The following CADPS2 variants were observed in gnomAD, a reference collection of about 807,000 sequenced individuals.
The protein encoded by CADPS2 is calcium dependent secretion activator 2, also known as calcium-dependent secretion activator 2.
In CADPS2, 93 loss-of-function variants were observed where a neutral mutation model predicts 172.5. That is an observed-to-expected ratio of 0.54 (90% CI 0.46 to 0.64). The LOEUF (loss-of-function observed/expected upper bound fraction) is 0.64. Among genes scored for constraint, CADPS2 ranks in the 30% least tolerant of loss-of-function variants. The pLI is 0.00. For synonymous variants in CADPS2, 546 were observed against 555.2 expected (o/e 0.98, Z 0.23); for missense variants, 1,420 against 1,565.9 (o/e 0.91, Z 1.57).
chr7:122,802,259 G>A (rs1563054308), intron 1 of CADPS2, among the ~76,000 whole-genome samples: 1 of 152,134 alleles, frequency 6.6e-6, no homozygotes, highest in Non-Finnish European at 1.5e-5. Context: ...AAACTGACAT[G>A]CATTTACAAT....
Position 122,581,246 on chromosome 7 carries a change from A to C in CADPS2, c.1268T>G (p.Val423Gly). 6.2e-7 allele frequency: 1 copy of C among 1,613,206 alleles called. No homozygotes were observed. Among genetic ancestry groups the C allele is most frequent in the Non-Finnish European group, 8.5e-7 (1 of 1,179,408 alleles). The change falls in exon 7 of 30, where the codon GTG becomes GGG. Residue 423 changes from valine to glycine, a missense_variant. Physicochemically the swap from Val to Gly is moderately radical, Grantham distance 109. Transcript: ENST00000449022. ...TTCTGTGAAGAGTTTCACTTTGACCACAGGCCGAGGATGGGTGGTGGTGAA... is the reference window on the plus strand; with the variant it reads ...TTCTGTGAAGAGTTTCACTTTGACCCCAGGCCGAGGATGGGTGGTGGTGAA... ...GDFTTTHPRP[V>G]VKVKLFTEST...
intron 1 of CADPS2, among the ~76,000 whole-genome samples, chr7:122,807,074 G>A (rs145534453): frequency 5.0e-4 from 76 of 152,284 alleles, no homozygotes; most frequent in African/African-American, 1.5e-3. Flanking sequence ...TTCTTTCCTC[G>A]TTCCAGCACA....
At chr7:122,381,728 G>A (rs1404717344) in intron 24 of CADPS2, among the ~76,000 whole-genome samples, 1 of 151,966 alleles carries the variant, frequency 6.6e-6, no homozygotes, top group Admixed American at 6.6e-5. Context: ...CTAGCCATAA[G>A]CAGAGACAAA....
At chr7:122,348,392 T>C (rs554064867) in intron 27 of CADPS2, among the ~76,000 whole-genome samples, 1 of 152,326 alleles carries the variant, frequency 6.6e-6, no homozygotes, top group East Asian at 1.9e-4. Context: ...GAAATGCTTT[T>C]CCTATTGGCA....
chr7:122,748,802 C>T (rs578170738), intron 1 of CADPS2, among the ~76,000 whole-genome samples: 60 of 151,670 alleles, frequency 4.0e-4, no homozygotes, highest in Admixed American at 2.0e-3. Flanking sequence ...TATCTTACAC[C>T]TTTAATGTAG....
chr7:122,837,011 T>G (rs995189568), intron 1 of CADPS2, among the ~76,000 whole-genome samples: 13 of 152,212 alleles, frequency 8.5e-5, no homozygotes, highest in African/African-American at 2.9e-4. Flanking sequence ...ATTCCAAAAT[T>G]GACCACACAG....
chr7:122,371,989 CAAT>C (rs10577518), intron 25 of CADPS2, among the ~76,000 whole-genome samples: 49,377 of 151,794 alleles, frequency 0.33, 8,382 homozygotes, highest in East Asian at 0.58. Context: ...ATTAGAGGAA[CAAT>C]AATAACAATA....
At chr7:122,735,200 C>T (rs929701121) in intron 2 of CADPS2, among the ~76,000 whole-genome samples, 2 of 152,042 alleles carry the variant, frequency 1.3e-5, no homozygotes, top group African/African-American at 4.8e-5. Context: ...TATTTTGGGG[C>T]ACTGCAACCA....
chr7:122,382,587 G>T (rs576646472), intron 24 of CADPS2, among the ~76,000 whole-genome samples: 28 of 151,944 alleles, frequency 1.8e-4, no homozygotes, highest in South Asian at 1.0e-3. Flanking sequence ...AAATTGATAG[G>T]TTTTTTTTCC....
chr7:122,788,735 C>T (rs1304086199), intron 1 of CADPS2, among the ~76,000 whole-genome samples: 1 of 152,114 alleles, frequency 6.6e-6, no homozygotes, highest in Non-Finnish European at 1.5e-5. Context: ...TGGTATCCAC[C>T]TTTCCATGAT....
At chr7:122,633,341 C>A (rs2076758944) in intron 3 of CADPS2, among the ~76,000 whole-genome samples, 1 of 151,880 alleles carries the variant, frequency 6.6e-6, no homozygotes, top group Non-Finnish European at 1.5e-5. Flanking sequence ...AATATTTTTC[C>A]ATTTATTTAT....
Position 122,320,348 on chromosome 7 carries a change from G to A in CADPS2, c.3718-10C>T. ...AGTCCCTGTAGGTTTTCTGAAGAAAGAAGATAAAATTTGCTTAGCTCACTT... is the reference window on the plus strand; with the variant it reads ...AGTCCCTGTAGGTTTTCTGAAGAAAAAAGATAAAATTTGCTTAGCTCACTT... On this transcript the variant is annotated splice_polypyrimidine_tract_variant and intron_variant, in intron 29 of 29. Transcript: ENST00000449022. 6.3e-7 allele frequency: 1 copy of A among 1,585,594 alleles called. No homozygotes were observed. The highest frequency in any genetic ancestry group is 8.6e-7 in the Non-Finnish European group (1 of 1,165,726).
chr7:122,772,762 C>G (rs951604956), intron 1 of CADPS2, among the ~76,000 whole-genome samples: 1 of 152,096 alleles, frequency 6.6e-6, no homozygotes, highest in Admixed American at 6.6e-5. Context: ...TGTCAGTTCT[C>G]AAATCCACAT....
At chr7:122,776,871 C>T (rs187158782) in intron 1 of CADPS2, among the ~76,000 whole-genome samples, 230 of 152,252 alleles carry the variant, frequency 1.5e-3, no homozygotes, top group Non-Finnish European at 2.1e-3. Flanking sequence ...AACAAGAAGG[C>T]CAGGTGCAGT....
intron 2 of CADPS2, among the ~76,000 whole-genome samples, chr7:122,707,871 C>T (rs1002951603): frequency 6.6e-6 from 1 of 151,454 alleles, no homozygotes; most frequent in Non-Finnish European, 1.5e-5. Context: ...GTTAAAAAAA[C>T]TTCATAGTTT....
intron 16 of CADPS2, among the ~76,000 whole-genome samples, chr7:122,439,928 T>C (rs915418001): frequency 1.3e-5 from 2 of 152,014 alleles, no homozygotes; most frequent in African/African-American, 4.8e-5. Context: ...CCAGGTAATA[T>C]TTCATATTAT....
chr7:122,651,104 C>A (rs1187016586), intron 3 of CADPS2, among the ~76,000 whole-genome samples: 1 of 151,934 alleles, frequency 6.6e-6, no homozygotes, highest in Non-Finnish European at 1.5e-5. Flanking sequence ...ATTTTCATTA[C>A]CATGGCATTT....
chr7:122,422,407 TTATCTACCA>T (rs2151819545), intron 17 of CADPS2, among the ~76,000 whole-genome samples: 1 of 152,224 alleles, frequency 6.6e-6, no homozygotes, highest in Non-Finnish European at 1.5e-5. Flanking sequence ...CTGGCAAAAC[TTATCTACCA>T]TTAGGCCCAG....
chr7:122,636,842 G>C (rs932557570), intron 3 of CADPS2, among the ~76,000 whole-genome samples: 1 of 151,960 alleles, frequency 6.6e-6, no homozygotes, highest in African/African-American at 2.4e-5. Context: ...TGGTCATCTT[G>C]TATACTATCT....
Sources: gnomAD v4.1 joint callset for allele counts (sites outside exome capture counted in the v4.1 genomes callset) on GRCh38, gnomAD v4.1.1 for gene constraint, MANE v1.5 for transcripts, NCBI Gene and HGNC (gene_info 2026-07-23, HGNC 2026-07-21) for gene names.